THSD7A: variants seen among roughly 807,000 people sequenced by gnomAD.
THSD7A encodes the protein thrombospondin type-1 domain-containing protein 7A.
In THSD7A, 96 loss-of-function variants were observed where a neutral mutation model predicts 231.3. That is an observed-to-expected ratio of 0.41 (90% CI 0.35 to 0.49). The LOEUF (loss-of-function observed/expected upper bound fraction) is 0.49. THSD7A is among the 20% of genes least tolerant of loss of function. THSD7A has a pLI of 0.05. For synonymous variants in THSD7A, 940 were observed against 743.3 expected (o/e 1.26, Z -4.30); for missense variants, 2,290 against 2,070.2 (o/e 1.11, Z -2.06).
intron 5 of THSD7A, among the ~76,000 whole-genome samples, chr7:11,542,344 A>T (rs1444646255): frequency 6.6e-6 from 1 of 152,226 alleles, no homozygotes; most frequent in Non-Finnish European, 1.5e-5. Flanking sequence ...CTGGTCTTTG[A>T]AACAAAATTG....
intron 1 of THSD7A, among the ~76,000 whole-genome samples, chr7:11,741,542 G>T (rs2128160928): frequency 6.6e-6 from 1 of 151,882 alleles, no homozygotes; most frequent in South Asian, 2.1e-4. Flanking sequence ...CTCTAATGTT[G>T]CATTATTTTT....
chr7:11,715,177 T>C (rs1487002233), intron 1 of THSD7A, among the ~76,000 whole-genome samples: 1 of 151,456 alleles, frequency 6.6e-6, no homozygotes, highest in African/African-American at 2.4e-5. Flanking sequence ...ACCAATTAAA[T>C]TCCATGTAGA....
intron 1 of THSD7A, among the ~76,000 whole-genome samples, chr7:11,826,823 A>G (rs1037669312): frequency 1.4e-4 from 22 of 151,914 alleles, no homozygotes; most frequent in Non-Finnish European, 3.1e-4. Flanking sequence ...AAAAAAAAAA[A>G]AAAAAAAAAA....
chr7:11,706,793 C>T (rs558449454), intron 1 of THSD7A, among the ~76,000 whole-genome samples: 84 of 150,490 alleles, frequency 5.6e-4, no homozygotes, highest in Middle Eastern at 6.8e-3. Flanking sequence ...AACAGAAAAT[C>T]ATTAAAGTAC....
At chr7:11,507,570 A>G (rs1236115111) in intron 6 of THSD7A, among the ~76,000 whole-genome samples, 1 of 148,754 alleles carries the variant, frequency 6.7e-6, no homozygotes, top group East Asian at 2.0e-4. Context: ...TTGCTCTACA[A>G]GTTCACTGAC....
At position 11,370,879 on chromosome 7, in the gene THSD7A, C is replaced by G. The variant is rs184862250; in HGVS notation, c.*4915G>C. 8.5e-5 allele frequency: 13 copies of G among 152,186 alleles called. 1 individual carries two copies. In the East Asian group the frequency reaches 1.9e-3, roughly 23 times the overall value. The allele number at this position is 152,186 out of a possible 1,614,324, so 9.4% of individuals were successfully genotyped here. A position where few individuals can be genotyped will look rare whatever the true frequency, so the allele number is the denominator to read the frequency against. ...AGAAAAAAAGTACCAGAAAAGGAAT[C>G]TAAATGTTTACTTTCTAAAAATAAA... is the stretch of plus-strand genomic sequence containing the variant. On this transcript the variant is annotated 3_prime_UTR_variant, in exon 28 of 28. Transcript: ENST00000423059.
intron 6 of THSD7A, among the ~76,000 whole-genome samples, chr7:11,513,705 C>T (rs568679741): frequency 6.6e-6 from 1 of 152,116 alleles, no homozygotes; most frequent in Non-Finnish European, 1.5e-5. Flanking sequence ...TATTTTGGAA[C>T]TAGATCAATG....
At chr7:11,543,340 T>G (rs193151356) in intron 4 of THSD7A, among the ~76,000 whole-genome samples, 20 of 152,326 alleles carry the variant, frequency 1.3e-4, no homozygotes, top group Admixed American at 5.9e-4. Flanking sequence ...TCTTGCAAAT[T>G]GTTTGATTAC....
chr7:11,392,896 G>C (rs894399296), intron 23 of THSD7A, among the ~76,000 whole-genome samples: 4 of 152,190 alleles, frequency 2.6e-5, no homozygotes, highest in Non-Finnish European at 4.4e-5. Context: ...GGGGCTTATA[G>C]ATCAAACTCC....
chr7:11,811,677 T>C (rs144141144), intron 1 of THSD7A, among the ~76,000 whole-genome samples: 404 of 152,312 alleles, frequency 2.7e-3, no homozygotes, highest in Non-Finnish European at 4.8e-3. Flanking sequence ...ATATTTATAC[T>C]AGTTCTTTTA....
chr7:11,577,401 C>G (rs1790961594), intron 4 of THSD7A, among the ~76,000 whole-genome samples: 1 of 152,132 alleles, frequency 6.6e-6, no homozygotes. Context: ...ATTGCAACCT[C>G]TGCCTCCCAG....
intron 6 of THSD7A, among the ~76,000 whole-genome samples, chr7:11,507,674 T>A (rs1322795710): frequency 3.3e-5 from 5 of 152,092 alleles, no homozygotes; most frequent in Admixed American, 6.6e-5. Flanking sequence ...AATACTAATT[T>A]GGCATATTTT....
At chr7:11,771,393 A>T (rs1290492816) in intron 1 of THSD7A, among the ~76,000 whole-genome samples, 1 of 152,082 alleles carries the variant, frequency 6.6e-6, no homozygotes, top group Non-Finnish European at 1.5e-5. Context: ...AAAGTTTGAC[A>T]TGTGAACACT....
intron 25 of THSD7A, 103 bp from the exon 26 acceptor site, chr7:11,379,383 A>G (rs1455088236): frequency 9.0e-7 from 1 of 1,113,762 alleles, no homozygotes; most frequent in Non-Finnish European, 1.3e-6. Flanking sequence ...TGTTTTGGGA[A>G]TTACTATACA....
chr7:11,438,592 T>C (rs1784705944), intron 13 of THSD7A, among the ~76,000 whole-genome samples: 1 of 151,996 alleles, frequency 6.6e-6, no homozygotes, highest in African/African-American at 2.4e-5. Context: ...TATTTAAAAA[T>C]TAATGTTAAA....
intron 1 of THSD7A, among the ~76,000 whole-genome samples, chr7:11,734,384 T>C (rs1781837087): frequency 6.6e-6 from 1 of 151,938 alleles, no homozygotes; most frequent in African/African-American, 2.4e-5. Context: ...AATATGTCCA[T>C]AACCTCAATT....
chr7:11,392,426 C>G (rs537633732), intron 23 of THSD7A, among the ~76,000 whole-genome samples: 3 of 152,156 alleles, frequency 2.0e-5, no homozygotes, highest in Admixed American at 2.0e-4. Flanking sequence ...CCACCAGGGC[C>G]TTGGGTTTCA....
intron 1 of THSD7A, among the ~76,000 whole-genome samples, chr7:11,804,169 T>C (rs1365801476): frequency 6.6e-6 from 1 of 152,108 alleles, no homozygotes; most frequent in Non-Finnish European, 1.5e-5. Flanking sequence ...ATTAATAGAA[T>C]TTTTTGTCAT....
At chr7:11,426,535 A>G (rs1422488177) in intron 15 of THSD7A, 131 bp downstream of exon 15, 3 of 1,001,164 alleles carry the variant, frequency 3.0e-6, no homozygotes, top group Non-Finnish European at 4.2e-6. Flanking sequence ...AAAATTCTTT[A>G]ATGGAAAATA....
Sources: allele counts gnomAD v4.1 joint callset (sites outside exome capture counted in the v4.1 genomes callset), GRCh38; gene constraint gnomAD v4.1.1; transcripts MANE v1.5; gene names NCBI Gene and HGNC (gene_info 2026-07-23, HGNC 2026-07-21).